The following FBXW7 variants were observed in gnomAD, a reference collection of about 807,000 sequenced individuals.
The protein encoded by FBXW7 is F-box/WD repeat-containing protein 7.
Under a neutral mutation model 86.3 loss-of-function variants are expected in FBXW7, and 11 were observed. The ratio of observed to expected loss-of-function variants is 0.13; its 90% CI spans 0.08 to 0.21. The LOEUF is 0.21. Among genes scored for constraint, FBXW7 ranks in the 10% least tolerant of loss-of-function variants. The probability of loss-of-function intolerance (pLI) is 1.00; values close to 1 mark genes in which losing one functional copy is unlikely to be tolerated. For synonymous variants in FBXW7, 313 were observed against 297.9 expected (o/e 1.05, Z -0.52); for missense variants, 488 against 847.4 (o/e 0.58, Z 5.27).
chr4:152,362,367 C>A (rs907691601), intron 4 of FBXW7, among the ~76,000 whole-genome samples: 2 of 152,126 alleles, frequency 1.3e-5, no homozygotes, highest in African/African-American at 4.8e-5. Context: ...CAATTCAAAG[C>A]TAGCAAAAGG....
chr4:152,340,862 T>C (rs78886849), intron 6 of FBXW7, among the ~76,000 whole-genome samples: 2,085 of 152,276 alleles, frequency 0.014, 27 homozygotes, highest in Middle Eastern at 0.037. Flanking sequence ...CAAATCTGTA[T>C]TTCCACAGTC....
chr4:152,471,948 TA>T (rs141220690), intron 2 of FBXW7, among the ~76,000 whole-genome samples: 2,432 of 152,020 alleles, frequency 0.016, 75 homozygotes, highest in African/African-American at 0.056. Context: ...AAATGCAAGC[TA>T]CAGTGTAGGA....
intron 4 of FBXW7, among the ~76,000 whole-genome samples, chr4:152,369,952 AC>A (rs1733862795): frequency 6.6e-6 from 1 of 152,036 alleles, no homozygotes; most frequent in Non-Finnish European, 1.5e-5. Context: ...ATGAAGCAGT[AC>A]CAACCATCCT....
intron 4 of FBXW7, among the ~76,000 whole-genome samples, chr4:152,381,885 A>G (rs984392960): frequency 6.6e-6 from 1 of 152,150 alleles, no homozygotes; most frequent in African/African-American, 2.4e-5. Flanking sequence ...ACAAATTTAC[A>G]GTGCTAATAT....
chr4:152,349,337 TTC>T (rs1731580727), intron 5 of FBXW7, among the ~76,000 whole-genome samples: 1 of 151,670 alleles, frequency 6.6e-6, no homozygotes, highest in Non-Finnish European at 1.5e-5. Flanking sequence ...TCTAAGATAC[TTC>T]TGTCATTTAA....
intron 2 of FBXW7, among the ~76,000 whole-genome samples, chr4:152,491,744 C>CA (rs1423468448): frequency 6.6e-6 from 1 of 152,066 alleles, no homozygotes; most frequent in Non-Finnish European, 1.5e-5. Flanking sequence ...TTTGAACACA[C>CA]AAAAAACAAA....
intron 2 of FBXW7, among the ~76,000 whole-genome samples, chr4:152,473,461 C>T (rs1246363410): frequency 6.6e-6 from 1 of 151,988 alleles, no homozygotes; most frequent in African/African-American, 2.4e-5. Flanking sequence ...TAAAGCAGTA[C>T]CTTTGGAATC....
chr4:152,488,136 G>T (rs948042372), intron 2 of FBXW7, among the ~76,000 whole-genome samples: 1 of 151,828 alleles, frequency 6.6e-6, no homozygotes, highest in Admixed American at 6.6e-5. Context: ...ATTTGCTTTT[G>T]TCAATCACTT....
intron 2 of FBXW7, among the ~76,000 whole-genome samples, chr4:152,437,800 T>A (rs1276674953): frequency 1.3e-5 from 2 of 152,152 alleles, no homozygotes; most frequent in Non-Finnish European, 2.9e-5. Context: ...TCAGCAGCCA[T>A]CAACACTGAG....
chr4:152,416,169 C>T (rs868496592), intron 2 of FBXW7, among the ~76,000 whole-genome samples: 5 of 152,124 alleles, frequency 3.3e-5, no homozygotes, highest in Admixed American at 6.6e-5. Flanking sequence ...TCATAAGGCA[C>T]TCAAAACATT....
chr4:152,499,791 T>TAG, intron 2 of FBXW7, among the ~76,000 whole-genome samples: 1 of 152,258 alleles, frequency 6.6e-6, no homozygotes, highest in East Asian at 1.9e-4. Context: ...ACTCTTATGG[T>TAG]AGTTCAAGTA....
intron 4 of FBXW7, among the ~76,000 whole-genome samples, chr4:152,351,199 T>C (rs2126654865): frequency 6.6e-6 from 1 of 152,214 alleles, no homozygotes; most frequent in South Asian, 2.1e-4. Context: ...TTGCCTTACA[T>C]GGGAACATCA....
At chr4:152,355,413 T>C (rs1732273464) in intron 4 of FBXW7, among the ~76,000 whole-genome samples, 1 of 152,138 alleles carries the variant, frequency 6.6e-6, no homozygotes, top group Non-Finnish European at 1.5e-5. Context: ...TACACTAAAA[T>C]ATTAAGTAGT....
At chr4:152,442,484 A>T (rs1296604722) in intron 2 of FBXW7, among the ~76,000 whole-genome samples, 1 of 152,230 alleles carries the variant, frequency 6.6e-6, no homozygotes, top group Non-Finnish European at 1.5e-5. Flanking sequence ...AATACCTTGT[A>T]ACTATTTTGT....
intron 2 of FBXW7, among the ~76,000 whole-genome samples, chr4:152,498,214 T>TG (rs1746554849): frequency 1.3e-5 from 2 of 151,982 alleles, no homozygotes; most frequent in African/African-American, 4.8e-5. Context: ...CTGCAAATAG[T>TG]AAGCTTAGTG....
At chr4:152,378,039 C>T (rs955427810) in intron 4 of FBXW7, among the ~76,000 whole-genome samples, 1 of 152,054 alleles carries the variant, frequency 6.6e-6, no homozygotes, top group African/African-American at 2.4e-5. Flanking sequence ...TGTTTAAGTA[C>T]TGTCTGTGGC....
intron 2 of FBXW7, among the ~76,000 whole-genome samples, chr4:152,432,669 G>A (rs1201570195): frequency 3.3e-5 from 5 of 151,982 alleles, no homozygotes; most frequent in Admixed American, 2.0e-4. Context: ...AAAATTAGCC[G>A]GGTATGGCGG....
chr4:152,471,571 A>C, intron 2 of FBXW7, among the ~76,000 whole-genome samples: 1 of 150,962 alleles, frequency 6.6e-6, no homozygotes, highest in African/African-American at 2.4e-5. Context: ...GGAAGAGAGA[A>C]AGAGAGAGGG....
At chr4:152,462,052 G>A (rs927976451) in intron 2 of FBXW7, among the ~76,000 whole-genome samples, 6 of 152,144 alleles carry the variant, frequency 3.9e-5, no homozygotes, top group African/African-American at 1.4e-4. Flanking sequence ...CTTATAGTAA[G>A]CAACAATGAT....
Sources: gnomAD v4.1 joint callset for allele counts (sites outside exome capture counted in the v4.1 genomes callset) on GRCh38, gnomAD v4.1.1 for gene constraint, MANE v1.5 for transcripts, NCBI Gene and HGNC (gene_info 2026-07-23, HGNC 2026-07-21) for gene names.